Variants in DNM3 observed in about 807,000 individuals in gnomAD.
The protein encoded by DNM3 is dynamin-3.
A neutral mutation model predicts 101.6 loss-of-function variants in DNM3; 47 were observed. That is an observed-to-expected ratio of 0.46 (90% CI 0.37 to 0.59). The LOEUF is 0.59. Among genes scored for constraint, DNM3 ranks in the 20% least tolerant of loss-of-function variants. DNM3 has a pLI of 0.00. For synonymous variants in DNM3, 385 were observed against 387.9 expected (o/e 0.99, Z 0.09); for missense variants, 849 against 1,085.7 (o/e 0.78, Z 3.06).
intron 16 of DNM3, among the ~76,000 whole-genome samples, chr1:172,316,537 GAGGAAGA>G (rs2065367737): frequency 6.6e-6 from 1 of 152,088 alleles, no homozygotes; most frequent in Admixed American, 6.5e-5. Context: ...TAAAAGGATT[GAGGAAGA>G]TCTACCAAGC....
At chr1:172,331,624 G>C (rs1052888259) in intron 17 of DNM3, among the ~76,000 whole-genome samples, 2 of 152,116 alleles carry the variant, frequency 1.3e-5, no homozygotes, top group African/African-American at 4.8e-5. Flanking sequence ...AAGGCTTAGA[G>C]GTATAAAGTG....
intron 17 of DNM3, among the ~76,000 whole-genome samples, chr1:172,329,540 C>A (rs1363457546): frequency 1.3e-5 from 2 of 151,622 alleles, no homozygotes; most frequent in African/African-American, 4.8e-5. Context: ...CAACTGCAAC[C>A]TGATGAAAGA....
At chr1:172,120,985 T>C (rs2056280219) in intron 13 of DNM3, among the ~76,000 whole-genome samples, 1 of 152,222 alleles carries the variant, frequency 6.6e-6, no homozygotes, top group Non-Finnish European at 1.5e-5. Context: ...TTTCTTCCTC[T>C]GTTAAATAAG....
intron 15 of DNM3, among the ~76,000 whole-genome samples, chr1:172,283,510 C>T (rs1006362770): frequency 2.0e-5 from 3 of 151,888 alleles, no homozygotes; most frequent in African/African-American, 7.3e-5. Flanking sequence ...ACCTGTAATC[C>T]CATCACTTTG....
intron 4 of DNM3, among the ~76,000 whole-genome samples, chr1:172,018,867 C>T (rs1382163315): frequency 2.0e-5 from 3 of 152,206 alleles, no homozygotes; most frequent in East Asian, 3.9e-4. Flanking sequence ...TAAAGAATTT[C>T]TTTTAATGTT....
At chr1:171,902,923 C>A (rs1043826076) in intron 1 of DNM3, among the ~76,000 whole-genome samples, 13 of 152,022 alleles carry the variant, frequency 8.6e-5, no homozygotes, top group Non-Finnish European at 1.8e-4. Context: ...GAGGCTCAGG[C>A]GGGAAGATCG....
rs10798791 is a variant in DNM3 at position 171,962,160 on chromosome 1, A to T, written c.236-25496A>T. Among the ~76,000 whole-genome samples, 987 of 152,124 alleles carry T rather than the reference A, an allele frequency of 6.5e-3. 17 individuals are homozygous for T. The highest frequency in any genetic ancestry group is 0.022 in the African/African-American group (895 of 41,490). ...GTTAACCCATGAATCCATTAATCCA[A>T]GAATGTAATCATCAATTTATGAAGA... On this transcript the variant is annotated intron_variant, in intron 2 of 20. Transcript: ENST00000627582.
chr1:172,298,155 T>C (rs995442057), intron 15 of DNM3, among the ~76,000 whole-genome samples: 2 of 152,224 alleles, frequency 1.3e-5, no homozygotes, highest in Admixed American at 6.5e-5. Flanking sequence ...CGTGTGCCTC[T>C]TCAAGTCCTT....
chr1:172,337,871 ATTTTATTTTATTTT>A (rs2066505908), intron 17 of DNM3, among the ~76,000 whole-genome samples: 1 of 75,302 alleles, frequency 1.3e-5, no homozygotes, highest in Non-Finnish European at 2.2e-5. Context: ...TTTTATTTTT[ATTTTATTTTATTTT>A]ATTTTATTTT....
intron 16 of DNM3, among the ~76,000 whole-genome samples, chr1:172,315,737 G>C (rs1279542757): frequency 2.0e-4 from 30 of 152,194 alleles, no homozygotes; most frequent in Admixed American, 2.0e-3. Context: ...ATGGGACTAT[G>C]TGAAAAGACC....
intron 2 of DNM3, among the ~76,000 whole-genome samples, chr1:171,959,916 C>T (rs905403123): frequency 1.3e-5 from 2 of 152,038 alleles, no homozygotes; most frequent in African/African-American, 2.4e-5. Flanking sequence ...AGCCAGACAG[C>T]GGGTACTGTG....
chr1:172,404,413 G>C (rs2070733383), intron 20 of DNM3, among the ~76,000 whole-genome samples: 1 of 152,034 alleles, frequency 6.6e-6, no homozygotes, highest in African/African-American at 2.4e-5. Context: ...TAGTGAATAA[G>C]ACTAACAATA....
intron 13 of DNM3, among the ~76,000 whole-genome samples, chr1:172,119,831 C>T (rs139283149): frequency 3.6e-4 from 55 of 152,288 alleles, no homozygotes; most frequent in Middle Eastern, 6.8e-3. Context: ...ACGTAGACCT[C>T]GGGAGTCATC....
intron 13 of DNM3, among the ~76,000 whole-genome samples, chr1:172,114,787 G>A (rs893381131): frequency 6.6e-6 from 1 of 151,896 alleles, no homozygotes; most frequent in African/African-American, 2.4e-5. Context: ...GGGTGTAGAT[G>A]ACCCTGGAGA....
chr1:172,334,327 AG>A (rs2066323785), intron 17 of DNM3, among the ~76,000 whole-genome samples: 1 of 152,182 alleles, frequency 6.6e-6, no homozygotes, highest in African/African-American at 2.4e-5. Context: ...TTTTCTCTCC[AG>A]GGAACTTTTG....
At chr1:171,897,666 C>T (rs971519653) in intron 1 of DNM3, among the ~76,000 whole-genome samples, 1 of 152,138 alleles carries the variant, frequency 6.6e-6, no homozygotes, top group Non-Finnish European at 1.5e-5. Flanking sequence ...AAAGAATCTT[C>T]CCAAATTCTT....
chr1:172,082,515 C>A (rs892666201), intron 12 of DNM3, among the ~76,000 whole-genome samples: 2 of 152,104 alleles, frequency 1.3e-5, no homozygotes, highest in African/African-American at 4.8e-5. Context: ...ACTATCTTTT[C>A]CTGCCCATTA....
At chr1:172,195,621 T>A (rs2059919217) in intron 14 of DNM3, among the ~76,000 whole-genome samples, 1 of 151,864 alleles carries the variant, frequency 6.6e-6, no homozygotes, top group Admixed American at 6.6e-5. Flanking sequence ...TTGCTGTGAG[T>A]TTTTATCATG....
chr1:172,147,250 G>A (rs1021755040), intron 14 of DNM3, among the ~76,000 whole-genome samples: 3 of 152,196 alleles, frequency 2.0e-5, no homozygotes, highest in Admixed American at 6.5e-5. Flanking sequence ...GTTACCAAGT[G>A]CAGTTTAAAA....
Sources: gnomAD v4.1 joint callset for allele counts (sites outside exome capture counted in the v4.1 genomes callset) on GRCh38, gnomAD v4.1.1 for gene constraint, MANE v1.5 for transcripts, NCBI Gene and HGNC (gene_info 2026-07-23, HGNC 2026-07-21) for gene names.